PLCXD3: variants seen among roughly 807,000 people sequenced by gnomAD.
PLCXD3 encodes the protein phosphatidylinositol specific phospholipase C X domain containing 3.
Under a neutral mutation model 25.5 loss-of-function variants are expected in PLCXD3, and 19 were observed. The observed-to-expected ratio is 0.75, with a 90% CI of 0.52 to 1.09. PLCXD3 has a LOEUF of 1.09. PLCXD3 is among the 50% of genes least tolerant of loss of function. The pLI, the probability that PLCXD3 is intolerant of heterozygous loss-of-function variation, is 0.00. For missense variants in PLCXD3, 411 were observed against 388.1 expected (o/e 1.06, Z -0.50); for synonymous variants, 174 against 137.6 (o/e 1.26, Z -1.85).
intron 2 of PLCXD3, among the ~76,000 whole-genome samples, chr5:41,381,490 A>C (rs1745459810): frequency 6.6e-6 from 1 of 152,048 alleles, no homozygotes; most frequent in Non-Finnish European, 1.5e-5. Flanking sequence ...TGGCATGAGA[A>C]AAAGGAGACA....
chr5:41,342,477 C>A (rs1242246559), intron 2 of PLCXD3, among the ~76,000 whole-genome samples: 1 of 152,128 alleles, frequency 6.6e-6, no homozygotes, highest in Non-Finnish European at 1.5e-5. Flanking sequence ...AAAGTGTGGG[C>A]CTCAAAGCAG....
chr5:41,468,782 G>T (rs1748083774), intron 1 of PLCXD3, among the ~76,000 whole-genome samples: 1 of 151,982 alleles, frequency 6.6e-6, no homozygotes, highest in Non-Finnish European at 1.5e-5. Context: ...GAGTCTTTAG[G>T]ATTTTTTATA....
intron 1 of PLCXD3, among the ~76,000 whole-genome samples, chr5:41,454,020 T>G (rs886458643): frequency 6.6e-6 from 1 of 151,904 alleles, no homozygotes; most frequent in African/African-American, 2.4e-5. Flanking sequence ...GATTTAGACC[T>G]CCCAGGAATC....
intron 1 of PLCXD3, among the ~76,000 whole-genome samples, chr5:41,406,217 A>G (rs1229928806): frequency 1.3e-5 from 2 of 151,472 alleles, no homozygotes; most frequent in Admixed American, 1.3e-4. Flanking sequence ...ATTTCCCTTC[A>G]CCCAAAGCTG....
intron 1 of PLCXD3, among the ~76,000 whole-genome samples, chr5:41,487,720 G>A (rs923077347): frequency 1.3e-5 from 2 of 152,248 alleles, no homozygotes; most frequent in East Asian, 3.9e-4. Flanking sequence ...GGAAAAGAAG[G>A]AAGCCTAGTG....
At chr5:41,434,140 T>A (rs907952524) in intron 1 of PLCXD3, among the ~76,000 whole-genome samples, 2 of 152,176 alleles carry the variant, frequency 1.3e-5, no homozygotes, top group Non-Finnish European at 2.9e-5. Context: ...TAACTGTGGA[T>A]CCTTGTGGCT....
intron 1 of PLCXD3, among the ~76,000 whole-genome samples, chr5:41,421,825 C>T (rs1746835903): frequency 6.6e-6 from 1 of 152,154 alleles, no homozygotes; most frequent in Non-Finnish European, 1.5e-5. Context: ...AAACATAAGT[C>T]AACTCAGGTG....
Position 41,397,396 on chromosome 5 carries a change from G to A in PLCXD3, c.104-14862C>T, listed in dbSNP as rs1746040728. On this transcript the variant is annotated intron_variant, in intron 1 of 2. Coordinates refer to ENST00000377801, the MANE Select transcript of PLCXD3 (RefSeq NM_001005473.3). The stretch of plus-strand genomic sequence containing the variant: ...CTTGGTGGCTTCCACATGGTTTAGG[G>A]CCTTCAGGTGCACAGGAGGCGAGAG... Among the ~76,000 whole-genome samples the A allele has an allele frequency of 3.3e-5, 5 of 152,336 alleles. 1 individual carries two copies. The South Asian group carries it at 6.2e-4, about 19-fold the overall frequency.
intron 1 of PLCXD3, among the ~76,000 whole-genome samples, chr5:41,443,521 C>T (rs1158677802): frequency 6.6e-6 from 1 of 152,082 alleles, no homozygotes. Flanking sequence ...TGTCTATATA[C>T]ATATAACATG....
At chr5:41,465,385 T>TTTTTTTTTTTTTTTTTTTTC (rs1491015410) in intron 1 of PLCXD3, among the ~76,000 whole-genome samples, 1 of 123,392 alleles carries the variant, frequency 8.1e-6, no homozygotes, top group Non-Finnish European at 1.8e-5. Flanking sequence ...TTTTTTTTTT[T>TTTTTTTTTTTTTTTTTTTTC]TGCATTTCTA....
intron 2 of PLCXD3, among the ~76,000 whole-genome samples, chr5:41,361,306 C>T (rs1382659840): frequency 6.6e-6 from 1 of 152,202 alleles, no homozygotes; most frequent in Non-Finnish European, 1.5e-5. Flanking sequence ...ATGCCCAGGG[C>T]TGAGAATTTG....
At position 41,319,673 on chromosome 5, in the gene PLCXD3, TAAAC is replaced by T. The variant is rs1743402022; in HGVS notation, c.813-5907_813-5904del. On this transcript the variant is annotated intron_variant, in intron 2 of 2. Transcript: ENST00000377801. The stretch of plus-strand genomic sequence containing the variant: ...GTCCCAAAAGAGAAAAAACTTCAAA[TAAAC>T]AATCTAATGATGCATCTTAAAAAAC... Among the ~76,000 whole-genome samples, 3 of 151,338 alleles carry T rather than the reference TAAAC, an allele frequency of 2.0e-5. No individual in the cohort carries two copies. The South Asian group carries it at 6.3e-4, about 32-fold the overall frequency.
chr5:41,379,741 T>TA (rs1268781532), intron 2 of PLCXD3, among the ~76,000 whole-genome samples: 3 of 152,038 alleles, frequency 2.0e-5, no homozygotes, highest in Non-Finnish European at 4.4e-5. Context: ...CAGTAAAATC[T>TA]AAAAAACATT....
At chr5:41,380,724 G>T (rs1162583058) in intron 2 of PLCXD3, among the ~76,000 whole-genome samples, 1 of 152,096 alleles carries the variant, frequency 6.6e-6, no homozygotes, top group Non-Finnish European at 1.5e-5. Flanking sequence ...CATTCATGCT[G>T]TGTCTCTTTA....
intron 1 of PLCXD3, among the ~76,000 whole-genome samples, chr5:41,402,000 A>G (rs1334174723): frequency 3.3e-5 from 5 of 151,854 alleles, no homozygotes; most frequent in Non-Finnish European, 7.4e-5. Flanking sequence ...TTCTTGATGA[A>G]TGCAAGTAGA....
At chr5:41,382,852 C>G (rs1383596567) in intron 1 of PLCXD3, among the ~76,000 whole-genome samples, 1 of 152,078 alleles carries the variant, frequency 6.6e-6, no homozygotes, top group East Asian at 1.9e-4. Context: ...TTATGGGTGA[C>G]TTAAGTGATC....
chr5:41,464,697 T>C (rs1200608100), intron 1 of PLCXD3, among the ~76,000 whole-genome samples: 1 of 152,104 alleles, frequency 6.6e-6, no homozygotes, highest in Non-Finnish European at 1.5e-5. Flanking sequence ...TGAAGACTTA[T>C]GTCTTCTTCA....
At chr5:41,321,509 G>A (rs977719618) in intron 2 of PLCXD3, among the ~76,000 whole-genome samples, 1 of 152,114 alleles carries the variant, frequency 6.6e-6, no homozygotes, top group African/African-American at 2.4e-5. Flanking sequence ...ACTACTCAAA[G>A]CAGTCTACAG....
At chr5:41,472,863 A>G (rs1168400705) in intron 1 of PLCXD3, among the ~76,000 whole-genome samples, 2 of 152,204 alleles carry the variant, frequency 1.3e-5, no homozygotes, top group African/African-American at 4.8e-5. Context: ...GCTCCAATGT[A>G]AAAAAGATAA....
Sources: gnomAD v4.1 joint callset for allele counts (sites outside exome capture counted in the v4.1 genomes callset) on GRCh38, gnomAD v4.1.1 for gene constraint, MANE v1.5 for transcripts, NCBI Gene and HGNC (gene_info 2026-07-23, HGNC 2026-07-21) for gene names.